Variants in PDZRN4 observed in about 807,000 individuals in gnomAD.
The protein encoded by PDZRN4 is PDZ domain containing ring finger 4, also known as PDZ domain-containing RING finger protein 4.
Under a neutral mutation model 99.0 loss-of-function variants are expected in PDZRN4, and 70 were observed. The observed-to-expected ratio is 0.71, with a 90% confidence interval of 0.58 to 0.86. The LOEUF is 0.86. Ranked by LOEUF, PDZRN4 falls within the 40% of genes least tolerant of loss-of-function variation. PDZRN4 has a pLI of 0.00. For synonymous variants in PDZRN4, 551 were observed against 501.6 expected, an observed-to-expected ratio of 1.10 and a Z score of -1.32; for missense variants, 1,474 against 1,331.2, an observed-to-expected ratio of 1.11 and a Z score of -1.67.
intron 3 of PDZRN4, among the ~76,000 whole-genome samples, chr12:41,304,982 C>T (rs1951559788): frequency 6.6e-6 from 1 of 152,148 alleles, no homozygotes; most frequent in Admixed American, 6.5e-5. Context: ...GCATTGCAGA[C>T]AGGCAAGAAT....
At position 41,273,738 on chromosome 12, in the gene PDZRN4, A is replaced by C. The variant is rs1463198225; in HGVS notation, c.843+79550A>C. Among the ~76,000 whole-genome samples the C allele has an allele frequency of 2.0e-5, 3 of 152,246 alleles. No individual in the cohort carries two copies. In the East Asian group the frequency reaches 5.8e-4, roughly 29 times the overall value. ...CATAAAATCTTATTTTTAATTGATA[A>C]AATATGTTTTCAGGTTTACCTGCAA... is the stretch of plus-strand genomic sequence containing the variant. On this transcript the variant is annotated intron_variant, in intron 3 of 9. Transcript: ENST00000402685.
chr12:41,371,311 G>A (rs369495960), intron 3 of PDZRN4, among the ~76,000 whole-genome samples: 4 of 151,674 alleles, frequency 2.6e-5, no homozygotes, highest in South Asian at 2.1e-4. Flanking sequence ...TATGGCACTG[G>A]CTAGGAATTT....
chr12:41,553,991 T>C (rs1939101354), intron 6 of PDZRN4, among the ~76,000 whole-genome samples: 2 of 152,164 alleles, frequency 1.3e-5, no homozygotes, highest in South Asian at 4.1e-4. Context: ...ATTAATGCAT[T>C]TAGAAAACAA....
intron 3 of PDZRN4, among the ~76,000 whole-genome samples, chr12:41,322,582 C>T (rs777869293): frequency 2.7e-4 from 41 of 150,160 alleles, no homozygotes; most frequent in Non-Finnish European, 5.0e-4. Context: ...GCTCCGCCTC[C>T]CTGGTTCACG....
chr12:41,491,153 G>C (rs1438212209), intron 3 of PDZRN4, among the ~76,000 whole-genome samples: 6 of 152,112 alleles, frequency 3.9e-5, no homozygotes, highest in Non-Finnish European at 8.8e-5. Context: ...TGAGTCCTCA[G>C]AGAAAGTTGT....
intron 8 of PDZRN4, among the ~76,000 whole-genome samples, chr12:41,567,216 T>A (rs1939388760): frequency 6.6e-6 from 1 of 152,236 alleles, no homozygotes; most frequent in Admixed American, 6.5e-5. Context: ...TTGAGAAGAA[T>A]AACTTAGAAT....
At chr12:41,416,985 A>ATT (rs895736718) in intron 3 of PDZRN4, among the ~76,000 whole-genome samples, 2 of 152,210 alleles carry the variant, frequency 1.3e-5, no homozygotes, top group African/African-American at 4.8e-5. Context: ...GTTCTTAAAG[A>ATT]AACTGGAATT....
intron 5 of PDZRN4, among the ~76,000 whole-genome samples, chr12:41,533,292 A>G (rs1474269457): frequency 1.3e-5 from 2 of 151,622 alleles, no homozygotes; most frequent in Non-Finnish European, 2.9e-5. Context: ...CTCCCGCCTC[A>G]GCCTCCTGAG....
intron 6 of PDZRN4, 34 bp from the exon 7 acceptor site, chr12:41,555,664 A>C (rs371480615): frequency 6.6e-7 from 1 of 1,522,868 alleles, no homozygotes; most frequent in East Asian, 2.3e-5. Context: ...AATGTTTCAT[A>C]CCCAGTTGAA....
chr12:41,466,478 G>T (rs577674345), intron 3 of PDZRN4, among the ~76,000 whole-genome samples: 1 of 152,260 alleles, frequency 6.6e-6, no homozygotes, highest in Admixed American at 6.5e-5. Flanking sequence ...TGTGTTAGTT[G>T]TAATGAAAAA....
intron 3 of PDZRN4, among the ~76,000 whole-genome samples, chr12:41,502,216 C>A (rs1265955801): frequency 1.3e-5 from 2 of 152,078 alleles, no homozygotes; most frequent in Non-Finnish European, 2.9e-5. Flanking sequence ...ATATCAATGG[C>A]ACAAACCTTT....
At chr12:41,408,094 G>A (rs1374927701) in intron 3 of PDZRN4, among the ~76,000 whole-genome samples, 1 of 152,130 alleles carries the variant, frequency 6.6e-6, no homozygotes, top group African/African-American at 2.4e-5. Flanking sequence ...CCTTGACAGT[G>A]TTTATCAACT....
At chr12:41,394,896 G>A (rs1952235896) in intron 3 of PDZRN4, among the ~76,000 whole-genome samples, 1 of 152,012 alleles carries the variant, frequency 6.6e-6, no homozygotes, top group Non-Finnish European at 1.5e-5. Flanking sequence ...ATTTGAGAGT[G>A]GCACACCATC....
chr12:41,455,294 T>C (rs1035039129), intron 3 of PDZRN4, among the ~76,000 whole-genome samples: 2 of 152,152 alleles, frequency 1.3e-5, no homozygotes, highest in African/African-American at 4.8e-5. Context: ...ACTAGAATAC[T>C]AAAATAACTC....
intron 3 of PDZRN4, among the ~76,000 whole-genome samples, chr12:41,308,903 T>C (rs144028178): frequency 5.4e-4 from 82 of 152,282 alleles, no homozygotes; most frequent in Admixed American, 1.0e-3. Context: ...GAATGTGATT[T>C]ATCACATTCA....
At chr12:41,365,368 G>T (rs970854569) in intron 3 of PDZRN4, among the ~76,000 whole-genome samples, 1 of 150,988 alleles carries the variant, frequency 6.6e-6, no homozygotes, top group African/African-American at 2.4e-5. Context: ...TATAATGTGT[G>T]TTTTTTTTTA....
At chr12:41,554,934 C>T (rs1481315795) in intron 6 of PDZRN4, among the ~76,000 whole-genome samples, 2 of 151,442 alleles carry the variant, frequency 1.3e-5, no homozygotes, top group African/African-American at 2.4e-5. Context: ...TTGGGCCGGA[C>T]GCGGTGGCTC....
intron 3 of PDZRN4, among the ~76,000 whole-genome samples, chr12:41,331,838 C>T (rs980020398): frequency 6.6e-6 from 1 of 152,066 alleles, no homozygotes; most frequent in African/African-American, 2.4e-5. Context: ...ATTCAGTTAC[C>T]TCCCATCCAG....
At chr12:41,432,866 A>G (rs997137062) in intron 3 of PDZRN4, among the ~76,000 whole-genome samples, 3 of 152,222 alleles carry the variant, frequency 2.0e-5, no homozygotes, top group Admixed American at 2.0e-4. Context: ...GTAGACGTGT[A>G]TAGAGCAGTT....
Sources: gnomAD v4.1 joint callset for allele counts (sites outside exome capture counted in the v4.1 genomes callset) on GRCh38, gnomAD v4.1.1 for gene constraint, MANE v1.5 for transcripts, NCBI Gene and HGNC (gene_info 2026-07-23, HGNC 2026-07-21) for gene names.